The following UGGT2 variants were observed in gnomAD, a reference collection of about 807,000 sequenced individuals.
UGGT2 encodes the protein UDP-glucose glycoprotein glucosyltransferase 2.
UGGT2 carries 180 observed loss-of-function variants against 192.1 expected under a neutral mutation model. The ratio of observed to expected loss-of-function variants is 0.94; its 90% confidence interval spans 0.83 to 1.06. The LOEUF (loss-of-function observed/expected upper bound fraction) is 1.06, where lower values mean the gene tolerates loss of function less well. Among genes scored for constraint, UGGT2 ranks in the 50% least tolerant of loss-of-function variants. UGGT2 has a pLI of 0.00. For missense variants in UGGT2, 1,849 were observed against 1,795.7 expected, an observed-to-expected ratio of 1.03 and a Z score of -0.54; for synonymous variants, 580 against 591.0, an observed-to-expected ratio of 0.98 and a Z score of 0.27.
chr13:95,853,495 C>G (rs2140034355), intron 36 of UGGT2, 48 bp downstream of exon 36: 1 of 1,468,808 alleles, frequency 6.8e-7, no homozygotes, highest in Middle Eastern at 1.8e-4. Context: ...GGAGTTGGAA[C>G]AGTCTATGTA....
At chr13:95,889,499 C>A (rs2047741651) in intron 25 of UGGT2, among the ~76,000 whole-genome samples, 3 of 152,102 alleles carry the variant, frequency 2.0e-5, no homozygotes, top group Admixed American at 1.3e-4. Context: ...ACATTTTCAC[C>A]AGACTCAATA....
At chr13:95,939,894 G>A in intron 16 of UGGT2, 63 bp downstream of exon 16, 1 of 1,291,566 alleles carries the variant, frequency 7.7e-7, no homozygotes, top group Middle Eastern at 2.3e-4. Flanking sequence ...CATGAGTAGA[G>A]ATCATGTGGT....
chr13:95,985,345 T>G, intron 9 of UGGT2: 1 of 1,175,552 alleles, frequency 8.5e-7, no homozygotes, highest in Non-Finnish European at 1.1e-6. Context: ...AATCTGTAAA[T>G]AAGGAAACAA....
intron 38 of UGGT2, among the ~76,000 whole-genome samples, chr13:95,827,939 G>A (rs1420635353): frequency 2.0e-5 from 3 of 152,124 alleles, no homozygotes; most frequent in African/African-American, 7.2e-5. Flanking sequence ...TTCAGCATGA[G>A]AATATAGTTT....
intron 33 of UGGT2, among the ~76,000 whole-genome samples, chr13:95,858,432 G>A (rs779533011): frequency 5.3e-5 from 8 of 152,126 alleles, no homozygotes; most frequent in African/African-American, 9.6e-5. Flanking sequence ...CATGCAGGCC[G>A]TTAGCCAAGT....
At chr13:96,006,068 C>G (rs2051964238) in intron 5 of UGGT2, among the ~76,000 whole-genome samples, 1 of 152,216 alleles carries the variant, frequency 6.6e-6, no homozygotes, top group Middle Eastern at 3.4e-3. Context: ...GAACAAAAGT[C>G]TGAAGAGACA....
At chr13:95,805,171 C>G (rs1445830201) in intron 38 of UGGT2, among the ~76,000 whole-genome samples, 2 of 151,364 alleles carry the variant, frequency 1.3e-5, no homozygotes, top group Admixed American at 1.3e-4. Context: ...AAATAGTCAG[C>G]AAACATAAGA....
At chr13:96,045,111 C>G (rs545338118) in intron 1 of UGGT2, among the ~76,000 whole-genome samples, 1 of 152,026 alleles carries the variant, frequency 6.6e-6, no homozygotes, top group Non-Finnish European at 1.5e-5. Flanking sequence ...ACTAGCTAAC[C>G]GAATCCAACA....
At chr13:95,834,328 G>GA (rs1397557509) in intron 37 of UGGT2, among the ~76,000 whole-genome samples, 1 of 151,990 alleles carries the variant, frequency 6.6e-6, no homozygotes, top group Non-Finnish European at 1.5e-5. Context: ...AAAGTCTGGA[G>GA]AAAATGTGTG....
chr13:95,957,554 T>C (rs1223029982), intron 12 of UGGT2, among the ~76,000 whole-genome samples: 4 of 152,168 alleles, frequency 2.6e-5, no homozygotes, highest in African/African-American at 9.7e-5. Context: ...ATCTGAAAGC[T>C]TGCCAGAATC....
intron 29 of UGGT2, among the ~76,000 whole-genome samples, chr13:95,873,305 T>C (rs1223650955): frequency 6.6e-6 from 1 of 152,246 alleles, no homozygotes; most frequent in Non-Finnish European, 1.5e-5. Flanking sequence ...TTATAGCACT[T>C]AGAACATATA....
At chr13:95,955,733 G>A (rs935157720) in intron 12 of UGGT2, among the ~76,000 whole-genome samples, 5 of 152,042 alleles carry the variant, frequency 3.3e-5, no homozygotes, top group African/African-American at 9.7e-5. Context: ...TTTTCAAAGC[G>A]CTCAAACAGG....
intron 8 of UGGT2, 74 bp from the exon 9 acceptor site, chr13:95,986,506 A>G: frequency 9.3e-7 from 1 of 1,081,054 alleles, no homozygotes; most frequent in Non-Finnish European, 1.3e-6. Context: ...AAATTGAAAT[A>G]CTTGACTCAA....
chr13:95,905,111 T>C (rs2048241782), intron 20 of UGGT2, among the ~76,000 whole-genome samples: 1 of 152,182 alleles, frequency 6.6e-6, no homozygotes, highest in Non-Finnish European at 1.5e-5. Flanking sequence ...GAAGTGTCTG[T>C]TCATGTCCTT....
chr13:95,947,824 T>C (rs1246012331), intron 14 of UGGT2, among the ~76,000 whole-genome samples, 172 bp downstream of exon 14: 1 of 152,164 alleles, frequency 6.6e-6, no homozygotes, highest in Non-Finnish European at 1.5e-5. Flanking sequence ...ACAGATTTGA[T>C]AAACAGAGTC....
intron 36 of UGGT2, 95 bp from the exon 37 acceptor site, chr13:95,837,297 GA>G (rs1887397184): frequency 3.6e-6 from 3 of 826,946 alleles, no homozygotes; most frequent in Non-Finnish European, 6.2e-6. Context: ...ACTGTAAACA[GA>G]TCATAAAACA....
intron 15 of UGGT2, among the ~76,000 whole-genome samples, chr13:95,942,780 C>T (rs2049735378): frequency 6.6e-6 from 1 of 152,042 alleles, no homozygotes; most frequent in Non-Finnish European, 1.5e-5. Flanking sequence ...TTTTAATGGG[C>T]ACTGGTTTTC....
intron 5 of UGGT2, among the ~76,000 whole-genome samples, chr13:96,005,023 T>C (rs2051929159): frequency 6.6e-6 from 1 of 152,076 alleles, no homozygotes; most frequent in South Asian, 2.1e-4. Context: ...AGACTGATAA[T>C]GGAAAACAAA....
chr13:95,996,244 G>A (rs2051616008), intron 6 of UGGT2, 109 bp from the exon 7 acceptor site: 2 of 919,654 alleles, frequency 2.2e-6, no homozygotes, highest in Non-Finnish European at 3.4e-6. Context: ...GCTCATGCCT[G>A]TAATCCCAGC....
Sources: gnomAD v4.1 joint callset for allele counts (sites outside exome capture counted in the v4.1 genomes callset) on GRCh38, gnomAD v4.1.1 for gene constraint, MANE v1.5 for transcripts, NCBI Gene and HGNC (gene_info 2026-07-23, HGNC 2026-07-21) for gene names.